Variants in PC observed in about 807,000 individuals in gnomAD.
PC encodes the protein pyruvate carboxylase, also known as pyruvate carboxylase, mitochondrial.
PC carries 46 observed loss-of-function variants against 107.8 expected under a neutral mutation model. That is an observed-to-expected ratio of 0.43 (90% CI 0.34 to 0.55). The LOEUF (loss-of-function observed/expected upper bound fraction) is 0.55. PC is among the 20% of genes least tolerant of loss of function. The pLI is 0.04. For synonymous variants in PC, 662 were observed against 684.7 expected (o/e 0.97, Z 0.52); for missense variants, 1,241 against 1,643.1 (o/e 0.76, Z 4.23).
chr11:66,915,084 C>T (rs1332660156), intron 3 of PC, among the ~76,000 whole-genome samples: 1 of 151,798 alleles, frequency 6.6e-6, no homozygotes, highest in African/African-American at 2.4e-5. Flanking sequence ...TCCTAGGGTG[C>T]GCCAATGGGG....
At chr11:66,864,291 C>T (rs1280572952) in intron 11 of PC, among the ~76,000 whole-genome samples, 1 of 152,250 alleles carries the variant, frequency 6.6e-6, no homozygotes, top group African/African-American at 2.4e-5. Context: ...GGACCTGCTG[C>T]ACCTGCCTGA....
At chr11:66,949,180 G>A (rs922464809) in intron 3 of PC, among the ~76,000 whole-genome samples, 14 of 150,918 alleles carry the variant, frequency 9.3e-5, no homozygotes, top group Non-Finnish European at 2.1e-4. Flanking sequence ...TTTTAGTAGC[G>A]ACAGGGTTTC....
intron 3 of PC, among the ~76,000 whole-genome samples, chr11:66,928,385 CA>C (rs752969475): frequency 7.4e-4 from 70 of 94,756 alleles, no homozygotes; most frequent in Admixed American, 8.9e-4. Context: ...GACTCCATCT[CA>C]AAAAAAAAAA....
Position 66,906,943 on chromosome 11 carries a change from A to G in PC, c.1-34784T>C, listed in dbSNP as rs75421153. Among the ~76,000 whole-genome samples, 821 of 152,308 alleles carry G rather than the reference A, an allele frequency of 5.4e-3. 7 individuals carry two copies. Among genetic ancestry groups the G allele is most frequent in the African/African-American group, 0.019 (772 of 41,562 alleles). ...GGAGGTCTCACATGTTGAACAGAGC[A>G]TGACCTCAGCCCTCCTATTTCCCAG... On this transcript the variant is annotated intron_variant, in intron 3 of 22. Coordinates refer to ENST00000393960, the MANE Select transcript of PC (RefSeq NM_001040716.2).
In PC at chr11:66,850,937, G is replaced by A. The variant is rs780315450; in HGVS notation, c.2224-14C>T. 172 of 1,218,088 alleles carry A rather than the reference G, an allele frequency of 1.4e-4. No homozygotes were observed. Among genetic ancestry groups the A allele is most frequent in the Non-Finnish European group, 1.7e-4 (157 of 912,722 alleles). The allele number at this position is 1,218,088 out of a possible 1,614,324, so 75.5% of individuals were successfully genotyped here. A position where few individuals can be genotyped will look rare whatever the true frequency, so the allele number is the denominator to read the frequency against. Reference sequence around the variant, plus strand: ...CCCGGCCATGTCCTGGGGGAAGTGGGAGAGAGAGAGAGAGAGATGGTAGAG... The same window carrying A: ...CCCGGCCATGTCCTGGGGGAAGTGGAAGAGAGAGAGAGAGAGATGGTAGAG... On this transcript the variant is annotated splice_polypyrimidine_tract_variant and intron_variant, in intron 17 of 22. Coordinates refer to ENST00000393960, the MANE Select transcript of PC (RefSeq NM_001040716.2).
chr11:66,859,728 G>A (rs371610702), intron 12 of PC: 5 of 1,610,638 alleles, frequency 3.1e-6, no homozygotes, highest in East Asian at 2.2e-5. Context: ...GTCACCGGCC[G>A]CTGGGCCCTC....
At chr11:66,873,329 C>A (rs1290023066) in intron 3 of PC, among the ~76,000 whole-genome samples, 2 of 126,598 alleles carry the variant, frequency 1.6e-5, no homozygotes, top group Non-Finnish European at 3.2e-5. Flanking sequence ...CACAGCAAGA[C>A]TCCATCTTTA....
At position 66,849,951 on chromosome 11, in the gene PC, G is replaced by T; in HGVS notation, c.2884C>A (p.Pro962Thr). The T allele has an allele frequency of 6.2e-7, 1 of 1,613,564 alleles. No homozygotes were observed. The highest frequency in any genetic ancestry group is 8.5e-7 in the Non-Finnish European group (1 of 1,180,026). The change falls in exon 20 of 23, where the codon CCC becomes ACC. Residue 962 changes from proline to threonine, a missense_variant. Transcript: ENST00000393960. ...IGVPHGGFPEPFRSKVLKDLP... is the reference protein window; with the variant it reads ...IGVPHGGFPETFRSKVLKDLP... ...GCCTTCCCTACCTTAGAGCGAAAGGGTTCGGGGAACCCCCCATGGGGGACA... is the reference window on the plus strand; with the variant it reads ...GCCTTCCCTACCTTAGAGCGAAAGGTTTCGGGGAACCCCCCATGGGGGACA...
chr11:66,859,441 G>C (rs557924171), intron 12 of PC, among the ~76,000 whole-genome samples: 1 of 152,148 alleles, frequency 6.6e-6, no homozygotes, highest in Non-Finnish European at 1.5e-5. Context: ...CATTCCCCTC[G>C]CTTGCCTGCG....
rs1341069537 is a variant in PC at position 66,858,149 on chromosome 11, C to G, written c.1369-4766G>C. ...TCAGCGGCAACCAGCTGGGCCGCAT[C>G]GCGCCGGGAGCCTTCGACGACTTCC... On this transcript the variant is annotated intron_variant, in intron 12 of 22. Transcript: ENST00000393960. The surrounding 1 kb of genome is among the most constrained non-coding windows in gnomAD (Gnocchi z 5.9). 1 of 1,610,492 alleles carries G rather than the reference C, an allele frequency of 6.2e-7. No homozygotes were observed.
In PC at chr11:66,948,292, G is replaced by A. The variant is rs1422100752; in HGVS notation, c.-1+4138C>T. Reference sequence around the variant, plus strand: ...ACATAATTATGCTGAGTAAAAGAAGGCAGAGAAAAAAGAATATATACTGTA... The same window carrying A: ...ACATAATTATGCTGAGTAAAAGAAGACAGAGAAAAAAGAATATATACTGTA... On this transcript the variant is annotated intron_variant, in intron 3 of 22. Transcript: ENST00000393960. 2.0e-5 allele frequency among the ~76,000 whole-genome samples: 3 copies of A among 151,748 alleles called. No homozygotes were observed. In the East Asian group the frequency reaches 5.8e-4, roughly 29 times the overall value.
chr11:66,880,637 G>A (rs993710273), intron 3 of PC, among the ~76,000 whole-genome samples: 3 of 152,228 alleles, frequency 2.0e-5, no homozygotes, highest in Non-Finnish European at 4.4e-5. Flanking sequence ...TTCCCAGCAA[G>A]TGCCACCAGT....
chr11:66,860,173 G>C, intron 12 of PC: 1 of 1,546,380 alleles, frequency 6.5e-7, no homozygotes, highest in South Asian at 1.2e-5. Flanking sequence ...AGCGCCGAGC[G>C]GCTGGAAGAG....
chr11:66,932,643 G>A (rs1479598706), intron 3 of PC, among the ~76,000 whole-genome samples: 2 of 152,136 alleles, frequency 1.3e-5, no homozygotes, highest in Admixed American at 6.5e-5. Flanking sequence ...GCCCTGGGGG[G>A]AAAGCCTCTT....
At position 66,850,091 on chromosome 11, in the gene PC, C is replaced by T; in HGVS notation, c.2744G>A (p.Gly915Glu). 6.2e-7 allele frequency: 1 copy of T among 1,613,722 alleles called. No homozygotes were observed. Among genetic ancestry groups the T allele is most frequent in the Non-Finnish European group, 8.5e-7 (1 of 1,180,040 alleles). The change falls in exon 20 of 23, where the codon GGG (glycine) becomes GAG (glutamate). Residue 915 changes from glycine to glutamate, a missense_variant. Physicochemically the swap from Gly to Glu is moderately conservative, Grantham distance 98. This residue lies in a region of PC where 1,143 missense variants were observed against 1,551.9 expected (regional missense o/e 0.74). Transcript: ENST00000393960. ...CTGCACCATAAACTGGGCCAGGTCC[C>T]CCACGATCTTGGAGGAGGGCGTCAC... is the stretch of plus-strand genomic sequence containing the variant. ...IKVTPSSKIV[G>E]DLAQFMVQNG... is the part of the protein sequence containing the mutation.
chr11:66,858,497 G>A lies in PC; in HGVS notation c.1369-5114C>T, dbSNP rs767393572. Reference sequence around the variant, plus strand: ...TGTGGCTGCGGCGGCTGGCGCGGCCGGACGACCTGGAAACGTGCGCCTCCC... The same window carrying A: ...TGTGGCTGCGGCGGCTGGCGCGGCCAGACGACCTGGAAACGTGCGCCTCCC... On this transcript the variant is annotated intron_variant, in intron 12 of 22. Coordinates refer to ENST00000393960, the MANE Select transcript of PC (RefSeq NM_001040716.2). This position sits in a 1 kb window ranked among gnomAD's most constrained non-coding sequence, Gnocchi z 5.9. 9.8e-6 allele frequency: 15 copies of A among 1,537,630 alleles called. No homozygotes were observed. In the East Asian group the frequency reaches 2.0e-4, roughly 20 times the overall value.
intron 3 of PC, among the ~76,000 whole-genome samples, chr11:66,930,024 A>T (rs966811636): frequency 6.6e-6 from 1 of 152,132 alleles, no homozygotes; most frequent in African/African-American, 2.4e-5. Flanking sequence ...CCACGGTGGG[A>T]AATCTAAAGA....
At chr11:66,910,126 C>T in intron 3 of PC, among the ~76,000 whole-genome samples, 1 of 152,160 alleles carries the variant, frequency 6.6e-6, no homozygotes, top group South Asian at 2.1e-4. Context: ...GAGTAAGTGT[C>T]TGGCTTAAAC....
At chr11:66,950,307 G>A (rs1315800765) in intron 3 of PC, among the ~76,000 whole-genome samples, 2 of 152,172 alleles carry the variant, frequency 1.3e-5, no homozygotes, top group Admixed American at 6.5e-5. Flanking sequence ...GAAAGGAGCT[G>A]CCACAGAAGC....
Sources: gnomAD v4.1 joint callset for allele counts (sites outside exome capture counted in the v4.1 genomes callset) on GRCh38, gnomAD v4.1.1 for gene constraint, gnomAD v4.1.1 regional missense constraint, Gnocchi (gnomAD v3.1) non-coding constraint, MANE v1.5 for transcripts, NCBI Gene and HGNC (gene_info 2026-07-23, HGNC 2026-07-21) for gene names.